Variants in SLC25A12 observed in about 807,000 individuals in gnomAD.
SLC25A12 encodes the protein electrogenic aspartate/glutamate antiporter SLC25A12, mitochondrial.
A neutral mutation model predicts 83.3 loss-of-function variants in SLC25A12; 32 were observed. The ratio of observed to expected loss-of-function variants is 0.38; its 90% CI spans 0.29 to 0.52. The LOEUF (loss-of-function observed/expected upper bound fraction) is 0.52. Ranked by LOEUF, SLC25A12 falls within the 20% of genes least tolerant of loss-of-function variation. The pLI is 0.84. For missense variants in SLC25A12, 611 were observed against 835.6 expected (o/e 0.73, Z 3.31); for synonymous variants, 267 against 291.1 (o/e 0.92, Z 0.84).
intron 13 of SLC25A12, among the ~76,000 whole-genome samples, chr2:171,808,124 A>G (rs1683873762): frequency 6.6e-6 from 1 of 152,262 alleles, no homozygotes; most frequent in African/African-American, 2.4e-5. Flanking sequence ...CAAGTCTGAA[A>G]CGAACCATGT....
chr2:171,833,403 T>G (rs1299668454), intron 8 of SLC25A12, among the ~76,000 whole-genome samples: 1 of 152,000 alleles, frequency 6.6e-6, no homozygotes, highest in African/African-American at 2.4e-5. Flanking sequence ...GACAAGCAGA[T>G]GTAACAGAGG....
At chr2:171,843,450 T>C (rs561245234) in intron 5 of SLC25A12, among the ~76,000 whole-genome samples, 4 of 151,918 alleles carry the variant, frequency 2.6e-5, no homozygotes, top group African/African-American at 9.7e-5. Flanking sequence ...CTGGCCAACA[T>C]GGCAAAACCC....
Position 171,852,614 on chromosome 2 carries a change from T to C in SLC25A12, c.325+3220A>G, listed in dbSNP as rs1330470925. ...TTCCTTTTACCTAAACATGTGCCTATAAATACATAAGCACAATTCATTTTA... is the reference window on the plus strand; with the variant it reads ...TTCCTTTTACCTAAACATGTGCCTACAAATACATAAGCACAATTCATTTTA... On this transcript the variant is annotated intron_variant, in intron 4 of 17. Coordinates refer to ENST00000422440, the MANE Select transcript of SLC25A12 (RefSeq NM_003705.5). 6.7e-6 allele frequency: 3 copies of C among 448,352 alleles called. No homozygotes were observed. The East Asian group carries it at 2.1e-4, about 31-fold the overall frequency. The allele number at this position is 448,352 out of a possible 1,614,324, so 27.8% of individuals were successfully genotyped here.
intron 5 of SLC25A12, among the ~76,000 whole-genome samples, chr2:171,841,066 G>A (rs191041792): frequency 6.6e-6 from 1 of 151,796 alleles, no homozygotes; most frequent in African/African-American, 2.4e-5. Context: ...TGGAACAAGA[G>A]GGATTTGTTT....
chr2:171,886,395 C>A (rs1190181797), intron 2 of SLC25A12, among the ~76,000 whole-genome samples: 1 of 149,876 alleles, frequency 6.7e-6, no homozygotes, highest in Non-Finnish European at 1.5e-5. Flanking sequence ...CCACACCCAG[C>A]TAGGTTTTTG....
intron 8 of SLC25A12, among the ~76,000 whole-genome samples, chr2:171,827,204 C>G (rs1362554857): frequency 6.6e-6 from 1 of 152,072 alleles, no homozygotes; most frequent in East Asian, 1.9e-4. Flanking sequence ...CCCAAGGATA[C>G]CTATCTAAAG....
chr2:171,796,881 ACT>A (rs1683607946), intron 13 of SLC25A12, among the ~76,000 whole-genome samples: 2 of 152,060 alleles, frequency 1.3e-5, no homozygotes, highest in Admixed American at 1.3e-4. Flanking sequence ...GAGGTTGACC[ACT>A]CTCTCTATCC....
At chr2:171,882,826 A>C (rs895172026) in intron 2 of SLC25A12, among the ~76,000 whole-genome samples, 2 of 151,184 alleles carry the variant, frequency 1.3e-5, no homozygotes, top group Non-Finnish European at 3.0e-5. Context: ...GTTACGCACA[A>C]AAAAAAAATA....
chr2:171,869,452 C>T (rs1685411668), intron 2 of SLC25A12, among the ~76,000 whole-genome samples: 1 of 152,126 alleles, frequency 6.6e-6, no homozygotes, highest in South Asian at 2.1e-4. Context: ...TTCCTGTCTA[C>T]AAGAGCACCA....
intron 6 of SLC25A12, among the ~76,000 whole-genome samples, chr2:171,835,766 A>T (rs1684541143): frequency 6.6e-6 from 1 of 152,150 alleles, no homozygotes; most frequent in Admixed American, 6.5e-5. Context: ...TAGTGTAGGT[A>T]ATGATGAGCA....
chr2:171,881,440 C>T (rs1685692777), intron 2 of SLC25A12, among the ~76,000 whole-genome samples: 2 of 151,984 alleles, frequency 1.3e-5, no homozygotes, highest in Admixed American at 1.3e-4. Context: ...GCCATCGCGC[C>T]CGGCCAAAAC....
At chr2:171,785,514 G>A in intron 17 of SLC25A12, 39 bp from the exon 18 acceptor site, 1 of 1,576,976 alleles carries the variant, frequency 6.3e-7, no homozygotes, top group South Asian at 1.1e-5. Flanking sequence ...GCATGCTCAA[G>A]GTGGATGAGC....
chr2:171,883,530 G>A (rs1041528899), intron 2 of SLC25A12, among the ~76,000 whole-genome samples: 10 of 152,186 alleles, frequency 6.6e-5, no homozygotes, highest in African/African-American at 9.7e-5. Flanking sequence ...TCGGCCAGGC[G>A]TAGTGGCTCA....
intron 10 of SLC25A12, among the ~76,000 whole-genome samples, 196 bp downstream of exon 10, chr2:171,814,925 C>T (rs748152823): frequency 6.6e-6 from 1 of 152,162 alleles, no homozygotes; most frequent in Non-Finnish European, 1.5e-5. Flanking sequence ...GTCCTGAAGA[C>T]AGACTGGAGC....
At chr2:171,832,793 C>A (rs983526969) in intron 8 of SLC25A12, among the ~76,000 whole-genome samples, 2 of 152,328 alleles carry the variant, frequency 1.3e-5, no homozygotes, top group East Asian at 3.9e-4. Flanking sequence ...TCCTTGGCAG[C>A]AGTCACTGTA....
intron 4 of SLC25A12, chr2:171,848,053 G>A (rs994764936): frequency 2.6e-6 from 1 of 389,256 alleles, no homozygotes; most frequent in Non-Finnish European, 5.3e-6. Flanking sequence ...TCTTAACAGA[G>A]GTTTTAATTT....
At chr2:171,816,062 C>CTTT (rs761249375) in intron 9 of SLC25A12, among the ~76,000 whole-genome samples, 12 of 127,500 alleles carry the variant, frequency 9.4e-5, no homozygotes, top group Non-Finnish European at 1.3e-4. Context: ...AAAAATATTC[C>CTTT]TTTTTTTTTT....
intron 2 of SLC25A12, among the ~76,000 whole-genome samples, chr2:171,885,284 G>A (rs1021895744): frequency 1.3e-5 from 2 of 149,944 alleles, no homozygotes; most frequent in Non-Finnish European, 3.0e-5. Context: ...CTTGATTCAA[G>A]GACAAAGTCT....
At chr2:171,817,974 A>G (rs1684089901) in intron 9 of SLC25A12, among the ~76,000 whole-genome samples, 1 of 152,224 alleles carries the variant, frequency 6.6e-6, no homozygotes. Flanking sequence ...AAATACCCAA[A>G]TGCCTTTTGA....
Sources: gnomAD v4.1 joint callset for allele counts (sites outside exome capture counted in the v4.1 genomes callset) on GRCh38, gnomAD v4.1.1 for gene constraint, MANE v1.5 for transcripts, NCBI Gene and HGNC (gene_info 2026-07-23, HGNC 2026-07-21) for gene names.